Variants in SOX6 observed in about 807,000 individuals in gnomAD.
The protein encoded by SOX6 is SRY-box transcription factor 6, also known as transcription factor SOX-6.
In SOX6, 11 loss-of-function variants were observed where a neutral mutation model predicts 97.8. The observed-to-expected ratio is 0.11, with a 90% confidence interval of 0.07 to 0.19. SOX6 has a LOEUF of 0.19. SOX6 is among the 10% of genes least tolerant of loss of function. The pLI is 1.00. For missense variants in SOX6, 810 were observed against 1,039.5 expected, an observed-to-expected ratio of 0.78 and a Z score of 3.04; for synonymous variants, 360 against 371.4, an observed-to-expected ratio of 0.97 and a Z score of 0.35.
chr11:16,483,812 G>A (rs901308087), intron 4 of SOX6, among the ~76,000 whole-genome samples: 12 of 152,228 alleles, frequency 7.9e-5, no homozygotes, highest in African/African-American at 2.9e-4. Context: ...TCCTGTTGTA[G>A]TTGAGTGAGG....
At chr11:16,424,639 C>T (rs1405660611) in intron 1 of SOX6, among the ~76,000 whole-genome samples, 7 of 152,160 alleles carry the variant, frequency 4.6e-5, no homozygotes, top group Non-Finnish European at 1.0e-4. Context: ...GGCAAAAGAA[C>T]ATGAAGCAAT....
At chr11:16,629,140 A>AGTGGTAT (rs1249789081) in intron 3 of SOX6, among the ~76,000 whole-genome samples, 1 of 152,124 alleles carries the variant, frequency 6.6e-6, no homozygotes, top group East Asian at 1.9e-4. Flanking sequence ...GTTGAATAGG[A>AGTGGTAT]GTGGTATAAC....
chr11:16,207,368 C>T lies in SOX6; in HGVS notation c.536-20413G>A, dbSNP rs184722086. Among the ~76,000 whole-genome samples the T allele has an allele frequency of 3.6e-3, 550 of 152,112 alleles. 2 individuals carry two copies. Among genetic ancestry groups the T allele is most frequent in the African/African-American group, 0.012 (518 of 41,510 alleles). On this transcript the variant is annotated intron_variant, in intron 4 of 15. Coordinates refer to ENST00000683767, the MANE Select transcript of SOX6 (RefSeq NM_001367873.1). ...CTGTAATCCTAGCACTTTGGGAAGC[C>T]GAGGTGGGCGGATCATGAGGTCAGG...
At position 16,514,213 on chromosome 11, in the gene SOX6, CT is replaced by C. The variant is rs1860926159; in HGVS notation, n.610-37826del. Among the ~76,000 whole-genome samples the C allele has an allele frequency of 1.0e-4, 11 of 105,018 alleles. 1 individual carries two copies. Among genetic ancestry groups the C allele is most frequent in the Admixed American group, 9.4e-4 (10 of 10,622 alleles). The allele number at this position is 105,018 out of a possible 152,430, so 68.9% of individuals were successfully genotyped here. ...CCTGGGCAACAGCGCAAGTCCCTGGCTCAAAAAAAAAAAAAAAAAGGTGTTT... is the reference window on the plus strand; with the variant it reads ...CCTGGGCAACAGCGCAAGTCCCTGGCCAAAAAAAAAAAAAAAAAGGTGTTT... On this transcript the variant is annotated intron_variant and non_coding_transcript_variant, in intron 4 of 5. Transcript: ENST00000524520.
intron 1 of SOX6, among the ~76,000 whole-genome samples, chr11:16,474,019 T>A (rs758670496): frequency 4.4e-4 from 67 of 152,230 alleles, no homozygotes; most frequent in Non-Finnish European, 8.7e-4. Flanking sequence ...ACAGCATCTT[T>A]CACCAGGGTA....
intron 13 of SOX6, among the ~76,000 whole-genome samples, chr11:16,003,159 T>C (rs1185196757): frequency 1.3e-5 from 2 of 152,036 alleles, no homozygotes; most frequent in Non-Finnish European, 2.9e-5. Context: ...ACAGATGGCT[T>C]TCCGTGACCT....
chr11:16,155,586 A>G (rs961157085), intron 6 of SOX6, among the ~76,000 whole-genome samples: 2 of 152,116 alleles, frequency 1.3e-5, no homozygotes, highest in African/African-American at 4.8e-5. Flanking sequence ...TATTGTGTCA[A>G]TTGAGTAATA....
At chr11:16,537,731 T>C (rs1861331686) in intron 4 of SOX6, among the ~76,000 whole-genome samples, 1 of 152,030 alleles carries the variant, frequency 6.6e-6, no homozygotes, top group African/African-American at 2.4e-5. Context: ...TATCAGTGAT[T>C]GCAGATCAAA....
At chr11:16,663,913 T>C (rs1418690999) in intron 3 of SOX6, among the ~76,000 whole-genome samples, 1 of 152,206 alleles carries the variant, frequency 6.6e-6, no homozygotes, top group Non-Finnish European at 1.5e-5. Context: ...CACATTTATA[T>C]TTCAATTATT....
At chr11:16,365,872 T>C (rs770105292) in intron 1 of SOX6, among the ~76,000 whole-genome samples, 13 of 152,174 alleles carry the variant, frequency 8.5e-5, no homozygotes, top group Non-Finnish European at 1.6e-4. Context: ...CAAACTCTTT[T>C]CAGACACAGT....
At chr11:16,339,068 T>C (rs1231794657) in intron 2 of SOX6, among the ~76,000 whole-genome samples, 26 of 152,060 alleles carry the variant, frequency 1.7e-4, no homozygotes. Flanking sequence ...CTTAAACCCA[T>C]CCTTTCTCTC....
At chr11:16,107,269 T>C (rs1412824941) in intron 7 of SOX6, among the ~76,000 whole-genome samples, 1 of 151,624 alleles carries the variant, frequency 6.6e-6, no homozygotes, top group Non-Finnish European at 1.5e-5. Context: ...AAGTGGGGAC[T>C]CTAACAAACA....
At chr11:16,399,908 G>A (rs1165680717) in intron 1 of SOX6, among the ~76,000 whole-genome samples, 1 of 151,398 alleles carries the variant, frequency 6.6e-6, no homozygotes, top group Non-Finnish European at 1.5e-5. Flanking sequence ...TGTTCAAAGG[G>A]AGAAAATGGA....
At chr11:16,020,368 C>T (rs1340172226) in intron 12 of SOX6, among the ~76,000 whole-genome samples, 1 of 152,050 alleles carries the variant, frequency 6.6e-6, no homozygotes, top group Non-Finnish European at 1.5e-5. Context: ...GCACTGTCCT[C>T]CCCAGTCCTT....
chr11:16,735,175 A>C (rs1046726940), intron 2 of SOX6, among the ~76,000 whole-genome samples: 1 of 152,158 alleles, frequency 6.6e-6, no homozygotes, highest in Admixed American at 6.5e-5. Context: ...GGAAGAGATT[A>C]TCTTAATCTG....
intron 12 of SOX6, among the ~76,000 whole-genome samples, chr11:16,036,618 C>T (rs926585721): frequency 6.6e-6 from 1 of 152,046 alleles, no homozygotes; most frequent in African/African-American, 2.4e-5. Flanking sequence ...CATTAGATCC[C>T]GAATTCCCAA....
chr11:16,269,049 C>T (rs1045542076), intron 3 of SOX6, among the ~76,000 whole-genome samples: 2 of 149,416 alleles, frequency 1.3e-5, no homozygotes, highest in South Asian at 2.1e-4. Context: ...TTTTTTTTAA[C>T]CCTTAGATCT....
At chr11:16,690,253 T>C (rs1031253429) in intron 3 of SOX6, among the ~76,000 whole-genome samples, 1 of 152,172 alleles carries the variant, frequency 6.6e-6, no homozygotes, top group Non-Finnish European at 1.5e-5. Flanking sequence ...GTTTTTATCT[T>C]CTCTGAGTGT....
chr11:16,603,748 T>C (rs1004771867), intron 4 of SOX6, among the ~76,000 whole-genome samples: 7 of 152,146 alleles, frequency 4.6e-5, no homozygotes, highest in Admixed American at 3.3e-4. Context: ...TCTGCGCTGG[T>C]GTCCAGTACC....
Sources: allele counts gnomAD v4.1 joint callset (sites outside exome capture counted in the v4.1 genomes callset), GRCh38; gene constraint gnomAD v4.1.1; transcripts MANE v1.5; gene names NCBI Gene and HGNC (gene_info 2026-07-23, HGNC 2026-07-21).